NUP93: variants seen among roughly 807,000 people sequenced by gnomAD.
The protein encoded by NUP93 is nucleoporin 93.
NUP93 carries 55 observed loss-of-function variants against 107.8 expected under a neutral mutation model. The ratio of observed to expected loss-of-function variants is 0.51; its 90% CI spans 0.41 to 0.64. The LOEUF (loss-of-function observed/expected upper bound fraction) is 0.64, where lower values mean the gene tolerates loss of function less well. Among genes scored for constraint, NUP93 ranks in the 30% least tolerant of loss-of-function variants. The pLI is 0.00. For missense variants in NUP93, 937 were observed against 1,044.7 expected (o/e 0.90, Z 1.42); for synonymous variants, 390 against 397.5 (o/e 0.98, Z 0.22).
In NUP93 at chr16:56,743,543, A is replaced by G. The variant is rs138558331; in HGVS notation, c.-14-4691A>G. Among the ~76,000 whole-genome samples the G allele has an allele frequency of 2.8e-3, 429 of 152,198 alleles. 1 individual carries two copies. Among genetic ancestry groups the G allele is most frequent in the Middle Eastern group, 6.8e-3 (2 of 294 alleles). On this transcript the variant is annotated intron_variant, in intron 1 of 21. Transcript: ENST00000308159. The stretch of plus-strand genomic sequence containing the variant: ...TATTTTTAGCATAGTGGGGTATCCT[A>G]CTGCAGCTTCTGAAAAAAGGTGGGT...
chr16:56,841,300 G>A lies in NUP93; in HGVS notation c.2221-405G>A, dbSNP rs1473727724. The stretch of plus-strand genomic sequence containing the variant: ...CTAGTGGAAACAGCCCGGTGAGTTT[G>A]AGAGAGTGAGGAGTGGTAGGGACTG... On this transcript the variant is annotated intron_variant, in intron 20 of 21. Transcript: ENST00000308159. Among the ~76,000 whole-genome samples, 3 of 152,330 alleles carry A rather than the reference G, an allele frequency of 2.0e-5. No individual in the cohort carries two copies. The East Asian group carries it at 5.8e-4, about 29-fold the overall frequency.
chr16:56,786,596 CTGTGT>C, intron 3 of NUP93, among the ~76,000 whole-genome samples: 1 of 152,322 alleles, frequency 6.6e-6, no homozygotes, highest in East Asian at 1.9e-4. Flanking sequence ...CTTCCTGGGC[CTGTGT>C]TGAAGATGAT....
intron 3 of NUP93, among the ~76,000 whole-genome samples, chr16:56,773,728 A>G (rs1205266744): frequency 7.2e-5 from 11 of 152,176 alleles, no homozygotes; most frequent in African/African-American, 2.7e-4. Flanking sequence ...GTACTGAATT[A>G]AGTGATAACA....
intron 3 of NUP93, among the ~76,000 whole-genome samples, chr16:56,788,287 T>A (rs534017714): frequency 6.6e-6 from 1 of 152,188 alleles, no homozygotes; most frequent in African/African-American, 2.4e-5. Flanking sequence ...ATCACGGCCC[T>A]TCTCACTAGG....
intron 5 of NUP93, 39 bp downstream of exon 5, chr16:56,805,671 A>C (rs1355119562): frequency 6.3e-7 from 1 of 1,587,804 alleles, no homozygotes; most frequent in South Asian, 1.1e-5. Context: ...GTTAATAAAA[A>C]CATGAAGTCA....
At position 56,847,194 on chromosome 16, in the gene NUP93, T is replaced by C. The variant is rs555776482; in HGVS notation, c.*2585T>C. ...TCCCAGTTCTTGTCCTACAAGCTGATTGTGCGATTGAGCACAGGCCTCTGG... is the reference window on the plus strand; with the variant it reads ...TCCCAGTTCTTGTCCTACAAGCTGACTGTGCGATTGAGCACAGGCCTCTGG... On this transcript the variant is annotated 3_prime_UTR_variant, in exon 22 of 22. Coordinates refer to ENST00000308159, the MANE Select transcript of NUP93 (RefSeq NM_014669.5). 6.6e-6 allele frequency: 1 copy of C among 152,362 alleles called. No individual in the cohort carries two copies. The highest frequency in any genetic ancestry group is 1.5e-5 in the Non-Finnish European group (1 of 68,038). 9.4% of individuals were successfully genotyped at this position (152,362 alleles called of 1,614,324 possible). A position where few individuals can be genotyped will look rare whatever the true frequency, so the allele number is the denominator to read the frequency against.
At chr16:56,838,632 C>T (rs930739143) in intron 18 of NUP93, among the ~76,000 whole-genome samples, 5 of 152,174 alleles carry the variant, frequency 3.3e-5, no homozygotes, top group African/African-American at 1.2e-4. Flanking sequence ...GTAGTGCAGT[C>T]ATAGCTCACT....
rs377320182 is a variant in NUP93, at chr16:56,832,386, A to G, written c.1343A>G (p.Tyr448Cys). ...SQFQKQLLED[Y>C]GESHFTVNQQ... ...TTCCAGAAGCAGTTGTTGGAAGACT[A>G]TGGTAAGATTCTGGACATAACCACC... Residue 448 changes from tyrosine to cysteine, a missense_variant and splice_region_variant, in exon 12 of 22, where the codon TAT becomes TGT. Transcript: ENST00000308159. The G allele has an allele frequency of 3.0e-5, 48 of 1,611,800 alleles. No individual in the cohort carries two copies. The highest frequency in any genetic ancestry group is 3.8e-5 in the Non-Finnish European group (45 of 1,177,928).
chr16:56,764,656 C>T (rs1379078297), intron 3 of NUP93, among the ~76,000 whole-genome samples: 1 of 152,136 alleles, frequency 6.6e-6, no homozygotes, highest in Non-Finnish European at 1.5e-5. Flanking sequence ...GTTTGTAGTA[C>T]TGGCAAGTAG....
intron 5 of NUP93, among the ~76,000 whole-genome samples, chr16:56,811,655 G>C (rs1963318165): frequency 6.6e-6 from 1 of 152,058 alleles, no homozygotes; most frequent in South Asian, 2.1e-4. Flanking sequence ...ATTTTTAGTA[G>C]AGACAGGGTT....
At chr16:56,813,322 A>G (rs1007222396) in intron 5 of NUP93, among the ~76,000 whole-genome samples, 3 of 152,218 alleles carry the variant, frequency 2.0e-5, no homozygotes, top group African/African-American at 7.2e-5. Flanking sequence ...TCTTATTGAT[A>G]CATAACAGTG....
intron 9 of NUP93, among the ~76,000 whole-genome samples, chr16:56,830,302 A>G (rs879678381): frequency 1.3e-4 from 20 of 150,674 alleles, no homozygotes; most frequent in African/African-American, 3.3e-4. Context: ...CTCTGGAGCC[A>G]TATTGCCACT....
intron 3 of NUP93, among the ~76,000 whole-genome samples, chr16:56,769,359 G>A (rs1245188970): frequency 6.6e-6 from 1 of 152,180 alleles, no homozygotes; most frequent in Non-Finnish European, 1.5e-5. Context: ...GTAAAATAAC[G>A]TTGATTGAGG....
intron 3 of NUP93, among the ~76,000 whole-genome samples, chr16:56,796,591 T>C (rs1962903095): frequency 6.6e-6 from 1 of 152,254 alleles, no homozygotes; most frequent in African/African-American, 2.4e-5. Flanking sequence ...ACGTTTCCAA[T>C]GCAAGAAAAC....
chr16:56,764,747 A>C (rs76608799), intron 3 of NUP93, among the ~76,000 whole-genome samples: 152 of 152,350 alleles, frequency 1.0e-3, no homozygotes, highest in Non-Finnish European at 1.1e-3. Flanking sequence ...TTAATATGCG[A>C]ATAGCTCTTC....
intron 20 of NUP93, 136 bp from the exon 21 acceptor site, chr16:56,841,569 A>G (rs1964025369): frequency 9.5e-7 from 1 of 1,047,412 alleles, no homozygotes; most frequent in African/African-American, 1.6e-5. Flanking sequence ...CTTTTGGGTG[A>G]CTGTGTGGCT....
intron 3 of NUP93, among the ~76,000 whole-genome samples, chr16:56,767,487 C>G (rs1190935866): frequency 6.6e-6 from 1 of 152,186 alleles, no homozygotes; most frequent in African/African-American, 2.4e-5. Context: ...TTAAAAATTA[C>G]TGACTAATTT....
intron 3 of NUP93, among the ~76,000 whole-genome samples, chr16:56,777,961 G>T (rs529593561): frequency 1.8e-4 from 28 of 152,322 alleles, no homozygotes; most frequent in African/African-American, 6.5e-4. Context: ...GTTTTGTTCA[G>T]TGCCCGTTAA....
chr16:56,841,556 C>A, intron 20 of NUP93, 149 bp from the exon 21 acceptor site: 1 of 894,702 alleles, frequency 1.1e-6, no homozygotes, highest in Non-Finnish European at 1.7e-6. Flanking sequence ...GTGCCATCAG[C>A]TCCTTTTGGG....
Sources: gnomAD v4.1 joint callset for allele counts (sites outside exome capture counted in the v4.1 genomes callset) on GRCh38, gnomAD v4.1.1 for gene constraint, MANE v1.5 for transcripts, NCBI Gene and HGNC (gene_info 2026-07-23, HGNC 2026-07-21) for gene names.